CFAP69: variants seen among roughly 807,000 people sequenced by gnomAD.
CFAP69 encodes the protein cilia- and flagella-associated protein 69.
CFAP69 carries 92 observed loss-of-function variants against 123.0 expected under a neutral mutation model. That is an observed-to-expected ratio of 0.75 (90% confidence interval 0.63 to 0.89). CFAP69 has a LOEUF of 0.89. Ranked by LOEUF, CFAP69 falls within the 40% of genes least tolerant of loss-of-function variation. The pLI is 0.00. For synonymous variants in CFAP69, 380 were observed against 364.3 expected, an observed-to-expected ratio of 1.04 and a Z score of -0.49; for missense variants, 1,067 against 1,096.9, an observed-to-expected ratio of 0.97 and a Z score of 0.39.
chr7:90,291,468 G>A (rs986163103), intron 15 of CFAP69, among the ~76,000 whole-genome samples: 2 of 152,046 alleles, frequency 1.3e-5, no homozygotes, highest in African/African-American at 4.8e-5. Flanking sequence ...TATCTTTTGC[G>A]ACCTCCTATC....
chr7:90,284,567 T>C (rs1297718886), intron 13 of CFAP69, among the ~76,000 whole-genome samples: 1 of 152,214 alleles, frequency 6.6e-6, no homozygotes, highest in Non-Finnish European at 1.5e-5. Flanking sequence ...TGTGTTAGCC[T>C]ACACGTCATC....
chr7:90,301,150 T>A (rs909448176), intron 17 of CFAP69: 3 of 151,740 alleles, frequency 2.0e-5, no homozygotes, highest in Non-Finnish European at 4.4e-5. Flanking sequence ...TGTATTTTTT[T>A]AATTAGAGAC....
At chr7:90,275,993 A>G (rs995363081) in intron 9 of CFAP69, 9 of 152,192 alleles carry the variant, frequency 5.9e-5, no homozygotes, top group Non-Finnish European at 1.2e-4. Flanking sequence ...ACTCTTGGTC[A>G]CAAGATAGTT....
At chr7:90,310,020 G>A (rs764135842) in intron 22 of CFAP69, 48 bp from the exon 23 acceptor site, 2 of 1,493,606 alleles carry the variant, frequency 1.3e-6, no homozygotes, top group Non-Finnish European at 1.8e-6. Context: ...TTCTCTTGTT[G>A]AAAATTGTGT....
chr7:90,297,885 C>A, intron 16 of CFAP69, 55 bp downstream of exon 16: 4 of 1,132,146 alleles, frequency 3.5e-6, no homozygotes, highest in South Asian at 1.4e-5. Context: ...TATTAAAGGC[C>A]GTTTCCAAAC....
intron 15 of CFAP69, among the ~76,000 whole-genome samples, chr7:90,292,982 A>G (rs1024363988): frequency 4.6e-5 from 7 of 152,194 alleles, no homozygotes; most frequent in African/African-American, 1.7e-4. Context: ...TGGATGACAA[A>G]ACATCGCACA....
rs772983353 is a variant in CFAP69 at position 90,274,105 on chromosome 7, A to G, written c.979A>G (p.Met327Val). ...TATAGCTCAAAATCCTGAAGCACCAATGATTGTAAGTATGAATCAAATTGC... is the reference window on the plus strand; with the variant it reads ...TATAGCTCAAAATCCTGAAGCACCAGTGATTGTAAGTATGAATCAAATTGC... ...TIIAQNPEAP[M>V]IECGFTKDLI... The change falls in exon 9 of 23, where the codon ATG becomes GTG. Residue 327 changes from methionine (M) to valine (V), a missense_variant. Physicochemically the swap from Met to Val is conservative, Grantham distance 21. Transcript: ENST00000389297. The G allele has an allele frequency of 5.6e-6, 9 of 1,593,876 alleles. No homozygotes were observed. The highest frequency in any genetic ancestry group is 1.4e-5 in the African/African-American group (1 of 73,548).
chr7:90,248,123 G>T (rs1796550184), intron 1 of CFAP69, among the ~76,000 whole-genome samples: 1 of 152,184 alleles, frequency 6.6e-6, no homozygotes, highest in Non-Finnish European at 1.5e-5. Context: ...CTTTAATGCA[G>T]ATTTCGGTCT....
chr7:90,282,762 T>TA (rs1025742058), intron 12 of CFAP69, 130 bp from the exon 13 acceptor site: 2,563 of 652,130 alleles, frequency 3.9e-3, no homozygotes, highest in South Asian at 6.2e-3. Context: ...TTTATTTCTC[T>TA]AAAAAAAAAC....
In CFAP69 at chr7:90,295,975, G is replaced by A. The variant is rs189486367; in HGVS notation, c.1776-1774G>A. Among the ~76,000 whole-genome samples, 499 of 152,190 alleles carry A rather than the reference G, an allele frequency of 3.3e-3. 3 individuals are homozygous for A. The highest frequency in any genetic ancestry group is 6.8e-3 in the Middle Eastern group (2 of 294). ...ATCTTGGTTTTGGTGGGTTTTAGCCGCCTTCTTTACTGCAACCTGTTTTAT... is the reference window on the plus strand; with the variant it reads ...ATCTTGGTTTTGGTGGGTTTTAGCCACCTTCTTTACTGCAACCTGTTTTAT... On this transcript the variant is annotated intron_variant, in intron 15 of 22. Transcript: ENST00000389297.
At chr7:90,249,904 G>T (rs749418191) in intron 1 of CFAP69, among the ~76,000 whole-genome samples, 5 of 152,130 alleles carry the variant, frequency 3.3e-5, no homozygotes, top group South Asian at 2.1e-4. Flanking sequence ...TATCATGCCT[G>T]AACTTCCTTG....
In CFAP69 at chr7:90,252,755, A is replaced by G. The variant is rs1446400798; in HGVS notation, c.121-2668A>G. Among the ~76,000 whole-genome samples, 4 of 152,226 alleles carry G rather than the reference A, an allele frequency of 2.6e-5. No homozygotes were observed. In the East Asian group the frequency reaches 5.8e-4, roughly 22 times the overall value. On this transcript the variant is annotated intron_variant, in intron 1 of 22. Coordinates refer to ENST00000389297, the MANE Select transcript of CFAP69 (RefSeq NM_001039706.3). ...CACAGACTTAAAGTTAGCATGTTTC[A>G]TTACAAATTGTTTTTGATGCCATGA...
At position 90,304,769 on chromosome 7, in the gene CFAP69, T is replaced by C; in HGVS notation, c.2214T>C (p.Ser738=). Residue 738 remains serine (S), a synonymous_variant, in exon 19 of 23, where the codon TCT becomes TCC. Coordinates refer to ENST00000389297, the MANE Select transcript of CFAP69 (RefSeq NM_001039706.3). Reference sequence around the variant, plus strand: ...ATTTTGAAAATTTACCTGGCCTATCTGCTGAAGATTTTGTCACCCTTTGTA... The same window carrying C: ...ATTTTGAAAATTTACCTGGCCTATCCGCTGAAGATTTTGTCACCCTTTGTA... ...KLDFENLPGL[S]AEDFVTLCII... is the part of the protein sequence containing the mutation. 4 of 1,597,772 alleles carry C rather than the reference T, an allele frequency of 2.5e-6. No individual in the cohort carries two copies. The highest frequency in any genetic ancestry group is 2.6e-6 in the Non-Finnish European group (3 of 1,169,908).
At chr7:90,300,851 G>A (rs2040516) in intron 17 of CFAP69, 132,984 of 152,390 alleles carry the variant, frequency 0.87, 58,147 homozygotes, top group East Asian at 1. Flanking sequence ...AGGTTTCACC[G>A]TGTTGCCCAG....
intron 4 of CFAP69, among the ~76,000 whole-genome samples, chr7:90,264,308 CT>C (rs1186289901): frequency 1.5e-4 from 23 of 151,398 alleles, no homozygotes; most frequent in Admixed American, 1.5e-3. Context: ...TGTGCTGGAT[CT>C]TTTATGATTT....
chr7:90,304,251 A>G (rs1234021620), intron 18 of CFAP69, 145 bp downstream of exon 18: 1 of 1,372,072 alleles, frequency 7.3e-7, no homozygotes, highest in African/African-American at 1.5e-5. Flanking sequence ...CAATTCCCAA[A>G]CTGCACCCCT....
chr7:90,296,684 T>C (rs749618027), intron 15 of CFAP69, among the ~76,000 whole-genome samples: 12 of 152,116 alleles, frequency 7.9e-5, no homozygotes, highest in Non-Finnish European at 1.6e-4. Context: ...GGCTACAGCT[T>C]GGTTTTATAC....
At chr7:90,269,861 G>A (rs1233008855) in intron 6 of CFAP69, among the ~76,000 whole-genome samples, 1 of 152,114 alleles carries the variant, frequency 6.6e-6, no homozygotes, top group African/African-American at 2.4e-5. Context: ...ACATTTGTAG[G>A]CAGAGGAGCT....
chr7:90,316,034 C>T (rs994525733), downstream of CFAP69, among the ~76,000 whole-genome samples: 2 of 152,128 alleles, frequency 1.3e-5, no homozygotes, highest in Non-Finnish European at 2.9e-5. Flanking sequence ...GCGGAGGCTG[C>T]AGTGAGCCAA....
Sources: gnomAD v4.1 joint callset for allele counts (sites outside exome capture counted in the v4.1 genomes callset) on GRCh38, gnomAD v4.1.1 for gene constraint, MANE v1.5 for transcripts, NCBI Gene and HGNC (gene_info 2026-07-23, HGNC 2026-07-21) for gene names.